Variants in PCDHGB6 observed in about 807,000 individuals in gnomAD.
PCDHGB6 encodes protocadherin gamma-B6.
In PCDHGB6, 51 loss-of-function variants were observed where a neutral mutation model predicts 59.1. The observed-to-expected ratio is 0.86, with a 90% CI of 0.69 to 1.09. The LOEUF is 1.09. PCDHGB6 is among the 50% of genes least tolerant of loss of function. PCDHGB6 has a pLI of 0.00. For missense variants in PCDHGB6, 1,148 were observed against 1,205.1 expected, an observed-to-expected ratio of 0.95 and a Z score of 0.70; for synonymous variants, 466 against 495.1, an observed-to-expected ratio of 0.94 and a Z score of 0.78.
At chr5:141,488,797 T>G (rs1451050520) in intron 1 of PCDHGB6, among the ~76,000 whole-genome samples, 6 of 152,158 alleles carry the variant, frequency 3.9e-5, no homozygotes, top group Non-Finnish European at 8.8e-5. Context: ...TCTTCCCTGT[T>G]GAGTACCATC....
rs1391017504 is a variant in PCDHGB6 at position 141,490,732 on chromosome 5, G to GTTCAGGGAGCCCCAGCCTCCTCCT, written c.2419-4072_2419-4049dup. 6.2e-7 allele frequency: 1 copy of GTTCAGGGAGCCCCAGCCTCCTCCT among 1,614,070 alleles called. No individual in the cohort carries two copies. Among genetic ancestry groups the GTTCAGGGAGCCCCAGCCTCCTCCT allele is most frequent in the Non-Finnish European group, 8.5e-7 (1 of 1,180,050 alleles). On this transcript the variant is annotated intron_variant, in intron 1 of 3. Coordinates refer to ENST00000520790, the MANE Select transcript of PCDHGB6 (RefSeq NM_018926.3). This position sits in a 1 kb window ranked among gnomAD's most constrained non-coding sequence, Gnocchi z 5.4. ...CACCTACTCCATTGTAGGAAATCAG[G>GTTCAGGGAGCCCCAGCCTCCTCCT]TTCAGGGAGCCCCAGCCTCCTCCTT...
At chr5:141,424,715 G>A (rs1299933373) in intron 1 of PCDHGB6, 1 of 152,132 alleles carries the variant, frequency 6.6e-6, no homozygotes, top group Admixed American at 6.6e-5. Flanking sequence ...TTTCAGTGTA[G>A]TTGGGAGTCA....
intron 1 of PCDHGB6, among the ~76,000 whole-genome samples, chr5:141,443,592 G>A (rs2098395439): frequency 6.6e-6 from 1 of 152,076 alleles, no homozygotes; most frequent in Admixed American, 6.6e-5. Context: ...AACAGAATGT[G>A]GTATATGAAA....
intron 1 of PCDHGB6, among the ~76,000 whole-genome samples, chr5:141,455,095 A>G (rs910300076): frequency 2.6e-5 from 4 of 151,836 alleles, no homozygotes; most frequent in African/African-American, 9.7e-5. Flanking sequence ...TACAGGCTTG[A>G]GCCACTGCGC....
In PCDHGB6 at chr5:141,485,865, C is replaced by T. The variant is rs1214425261; in HGVS notation, c.2419-8942C>T. The stretch of plus-strand genomic sequence containing the variant: ...TCTGGCACCGCAGAGCTCCGGGTAT[C>T]CGTGCTGGACGTAAACGACAACGCC... On this transcript the variant is annotated intron_variant, in intron 1 of 3. Transcript: ENST00000520790. The surrounding 1 kb of genome is among the most constrained non-coding windows in gnomAD (Gnocchi z 5.7). 23 of 1,614,182 alleles carry T rather than the reference C, an allele frequency of 1.4e-5. No homozygotes were observed. Among genetic ancestry groups the T allele is most frequent in the Non-Finnish European group, 1.8e-5 (21 of 1,180,034 alleles).
At chr5:141,433,261 A>G (rs761584659) in intron 1 of PCDHGB6, 4 of 1,344,710 alleles carry the variant, frequency 3.0e-6, no homozygotes, top group Non-Finnish European at 4.1e-6. Context: ...CGGTACGATC[A>G]TAGCTCACTG....
chr5:141,422,975 C>T (rs751065595), intron 1 of PCDHGB6: 130 of 1,614,092 alleles, frequency 8.1e-5, no homozygotes, highest in Non-Finnish European at 1.0e-4. Context: ...CCCCGCTCTG[C>T]GGAACCTGGC....
chr5:141,478,244 T>C lies in PCDHGB6; in HGVS notation c.2419-16563T>C, dbSNP rs758993366. ...TTCTGTGGGGTTTGTGGTCACAGTG[T>C]TCGGAGTAATCATATTCAAAGTTTA... On this transcript the variant is annotated intron_variant, in intron 1 of 3. Coordinates refer to ENST00000520790, the MANE Select transcript of PCDHGB6 (RefSeq NM_018926.3). 5 of 1,614,132 alleles carry C rather than the reference T, an allele frequency of 3.1e-6. No individual in the cohort carries two copies. In the South Asian group the frequency reaches 4.4e-5, roughly 14 times the overall value.
Position 141,431,758 on chromosome 5 carries a change from C to T in PCDHGB6, c.2418+21138C>T. Reference sequence around the variant, plus strand: ...CAGGATATTCTGCGCGAGCCAAAGTCCTGATCACTGTTCTGGACGTGAACG... The same window carrying T: ...CAGGATATTCTGCGCGAGCCAAAGTTCTGATCACTGTTCTGGACGTGAACG... On this transcript the variant is annotated intron_variant, in intron 1 of 3. Transcript: ENST00000520790. This position sits in a 1 kb window ranked among gnomAD's most constrained non-coding sequence, Gnocchi z 4.8. 1.9e-6 allele frequency: 3 copies of T among 1,614,172 alleles called. No homozygotes were observed. The highest frequency in any genetic ancestry group is 1.7e-6 in the Non-Finnish European group (2 of 1,180,020).
intron 2 of PCDHGB6, among the ~76,000 whole-genome samples, chr5:141,504,238 G>A (rs1043662594): frequency 2.0e-5 from 3 of 152,228 alleles, no homozygotes; most frequent in African/African-American, 7.2e-5. Flanking sequence ...CTAAGAAGCA[G>A]AGAGTTCTTC....
chr5:141,462,408 A>G (rs1240372917), intron 1 of PCDHGB6, among the ~76,000 whole-genome samples: 2 of 152,188 alleles, frequency 1.3e-5, no homozygotes, highest in Non-Finnish European at 2.9e-5. Context: ...ATGGCACAGA[A>G]TATGGTCTAT....
intron 1 of PCDHGB6, chr5:141,478,917 T>A: frequency 1.3e-6 from 1 of 772,666 alleles, no homozygotes; most frequent in Middle Eastern, 3.9e-4. Flanking sequence ...TGGATACCTC[T>A]AACCAGTGGC....
rs2099883574 is a variant in PCDHGB6, at chr5:141,511,027, C to T, written c.2647C>T (p.Leu883=). The change falls in exon 4 of 4, where the codon CTG becomes TTG. Residue 883 remains leucine (L), a synonymous_variant. Transcript: ENST00000520790. ...CGCCCGCTACGGACCCCAGTTCACCCTGCAGCACGTGCCCGACTACCGCCA... is the reference window on the plus strand; with the variant it reads ...CGCCCGCTACGGACCCCAGTTCACCTTGCAGCACGTGCCCGACTACCGCCA... The part of the protein sequence containing the change: ...LSARYGPQFT[L]QHVPDYRQNV... 2 of 1,614,230 alleles carry T rather than the reference C, an allele frequency of 1.2e-6. No individual in the cohort carries two copies. The highest frequency in any genetic ancestry group is 1.7e-6 in the Non-Finnish European group (2 of 1,180,034).
chr5:141,477,569 G>A lies in PCDHGB6; in HGVS notation c.2419-17238G>A. The A allele has an allele frequency of 6.2e-7, 1 of 1,614,104 alleles. No homozygotes were observed. Among genetic ancestry groups the A allele is most frequent in the Non-Finnish European group, 8.5e-7 (1 of 1,180,024 alleles). On this transcript the variant is annotated intron_variant, in intron 1 of 3. Coordinates refer to ENST00000520790, the MANE Select transcript of PCDHGB6 (RefSeq NM_018926.3). This position sits in a 1 kb window ranked among gnomAD's most constrained non-coding sequence, Gnocchi z 4.9. ...ACTAAACCTAAGTGTCTGGGACCCC[G>A]ACGCCCCGCAGAATGCTCGGCTTTC...
At position 141,489,886 on chromosome 5, in the gene PCDHGB6, G is replaced by A; in HGVS notation, c.2419-4921G>A. ...ACATCAGCTGGTGCTTACTGCTGTG[G>A]ATGGGGGGACCCCAGCCCGCTCAGG... is the stretch of plus-strand genomic sequence containing the variant. On this transcript the variant is annotated intron_variant, in intron 1 of 3. Transcript: ENST00000520790. This position sits in a 1 kb window ranked among gnomAD's most constrained non-coding sequence, Gnocchi z 4.5. 6.2e-7 allele frequency: 1 copy of A among 1,614,256 alleles called. No individual in the cohort carries two copies. The highest frequency in any genetic ancestry group is 8.5e-7 in the Non-Finnish European group (1 of 1,180,044).
In PCDHGB6 at chr5:141,445,037, GT is replaced by G. The variant is rs2098454887; in HGVS notation, c.2418+34421del. 5.3e-5 allele frequency among the ~76,000 whole-genome samples: 8 copies of G among 152,072 alleles called. No homozygotes were observed. In the South Asian group the frequency reaches 1.7e-3, roughly 32 times the overall value. On this transcript the variant is annotated intron_variant, in intron 1 of 3. Transcript: ENST00000520790. ...TAATTTCTCTCAGCTATGTTGTATAGTTTTCAGTGTAGAGAGGTCATGTATA... is the reference window on the plus strand; with the variant it reads ...TAATTTCTCTCAGCTATGTTGTATAGTTTCAGTGTAGAGAGGTCATGTATA...
chr5:141,443,708 T>G (rs2098400247), intron 1 of PCDHGB6, among the ~76,000 whole-genome samples: 1 of 152,192 alleles, frequency 6.6e-6, no homozygotes, highest in Non-Finnish European at 1.5e-5. Context: ...GAATAACATT[T>G]GCATATAAAA....
rs764101999 is a variant in PCDHGB6, at chr5:141,409,550, C to T, written c.1348C>T (p.Pro450Ser). 1.9e-6 allele frequency: 3 copies of T among 1,613,992 alleles called. No homozygotes were observed. Among genetic ancestry groups the T allele is most frequent in the African/African-American group, 2.7e-5 (2 of 75,062 alleles). The change falls in exon 1 of 4, where the codon CCA becomes TCA. Residue 450 changes from proline to serine, a missense_variant. This residue lies in a region of PCDHGB6 where 549 missense variants were observed against 527.5 expected (regional missense o/e 1.04). Transcript: ENST00000520790. Reference protein sequence around the residue: ...LYVADINDNAPVFDQTSYVVH... With the variant: ...LYVADINDNASVFDQTSYVVH... ...TGTCGCTGACATCAACGACAACGCC[C>T]CAGTTTTCGACCAGACGTCCTACGT...
At chr5:141,415,259 T>C (rs778452630) in intron 1 of PCDHGB6, 1 of 1,614,108 alleles carries the variant, frequency 6.2e-7, no homozygotes, top group Non-Finnish European at 8.5e-7. Flanking sequence ...GACCTCACTC[T>C]GTACCTGGTG....
Sources: gnomAD v4.1 joint callset for allele counts (sites outside exome capture counted in the v4.1 genomes callset) on GRCh38, gnomAD v4.1.1 for gene constraint, gnomAD v4.1.1 regional missense constraint, Gnocchi (gnomAD v3.1) non-coding constraint, MANE v1.5 for transcripts, NCBI Gene and HGNC (gene_info 2026-07-23, HGNC 2026-07-21) for gene names.